MIER1: variants seen among roughly 807,000 people sequenced by gnomAD.
MIER1 encodes the protein mesoderm induction early response protein 1.
MIER1 carries 40 observed loss-of-function variants against 75.7 expected under a neutral mutation model. That is an observed-to-expected ratio of 0.53 (90% confidence interval 0.41 to 0.69). The LOEUF is 0.69. Ranked by LOEUF, MIER1 falls within the 30% of genes least tolerant of loss-of-function variation. The pLI, the probability that MIER1 is intolerant of heterozygous loss-of-function variation, is 0.00. For synonymous variants in MIER1, 213 were observed against 223.4 expected (o/e 0.95, Z 0.42); for missense variants, 574 against 680.2 (o/e 0.84, Z 1.74).
At chr1:66,970,692 C>T in intron 8 of MIER1, 116 bp from the exon 9 acceptor site, 1 of 674,288 alleles carries the variant, frequency 1.5e-6, no homozygotes, top group Non-Finnish European at 2.3e-6. Flanking sequence ...GTAGTAGAAC[C>T]ACACTGTACC....
At chr1:66,956,838 C>A (rs1276913421) in intron 4 of MIER1, among the ~76,000 whole-genome samples, 1 of 152,178 alleles carries the variant, frequency 6.6e-6, no homozygotes, top group Non-Finnish European at 1.5e-5. Flanking sequence ...CTAAGAAAAT[C>A]TTTTCAAATG....
At chr1:66,938,973 T>C (rs1655562927) in intron 2 of MIER1, among the ~76,000 whole-genome samples, 1 of 152,126 alleles carries the variant, frequency 6.6e-6, no homozygotes. Flanking sequence ...CTTAGACACA[T>C]TGTTTTTGAA....
At chr1:66,980,676 AAC>A (rs1293417342) in intron 12 of MIER1, among the ~76,000 whole-genome samples, 6 of 152,204 alleles carry the variant, frequency 3.9e-5, no homozygotes, top group Non-Finnish European at 8.8e-5. Context: ...TAAGATAAAT[AAC>A]ACAATTAGAA....
chr1:66,951,920 G>A (rs1659057506), intron 4 of MIER1, among the ~76,000 whole-genome samples: 1 of 152,192 alleles, frequency 6.6e-6, no homozygotes, highest in South Asian at 2.1e-4. Context: ...CAGTGAGTTA[G>A]ACTGCCTGGG....
At chr1:66,956,158 C>T (rs1027260067) in intron 4 of MIER1, among the ~76,000 whole-genome samples, 13 of 152,160 alleles carry the variant, frequency 8.5e-5, no homozygotes, top group African/African-American at 2.9e-4. Context: ...CACGGTGGCT[C>T]ATGTTTCCAA....
intron 2 of MIER1, among the ~76,000 whole-genome samples, chr1:66,931,288 T>C (rs560640194): frequency 3.9e-5 from 6 of 152,258 alleles, no homozygotes; most frequent in Non-Finnish European, 8.8e-5. Context: ...TTTAAATAAC[T>C]GGAAGTTTAA....
chr1:66,963,041 A>C, intron 7 of MIER1, 47 bp from the exon 8 acceptor site: 1 of 1,292,148 alleles, frequency 7.7e-7, no homozygotes. Flanking sequence ...ATGGATATAA[A>C]ATCTGTTACT....
chr1:66,927,935 G>GT (rs1335350377), intron 2 of MIER1, among the ~76,000 whole-genome samples: 102 of 152,062 alleles, frequency 6.7e-4, no homozygotes, highest in African/African-American at 2.4e-3. Context: ...GTAAGTAAGC[G>GT]TTTTGAGAAA....
intron 2 of MIER1, 72 bp from the exon 3 acceptor site, chr1:66,939,956 A>G (rs1655793579): frequency 8.1e-7 from 1 of 1,234,078 alleles, no homozygotes; most frequent in Non-Finnish European, 1.2e-6. Context: ...TAGTCATTGA[A>G]TAATTTCGGT....
chr1:66,927,959 G>T (rs892074779), intron 2 of MIER1, among the ~76,000 whole-genome samples: 2 of 151,976 alleles, frequency 1.3e-5, no homozygotes, highest in African/African-American at 4.8e-5. Context: ...TTTTCATTCC[G>T]TAAGGTGGCT....
At chr1:66,951,672 T>G (rs143261041) in intron 4 of MIER1, among the ~76,000 whole-genome samples, 2 of 152,284 alleles carry the variant, frequency 1.3e-5, no homozygotes, top group East Asian at 3.9e-4. Context: ...CTTAACTTCC[T>G]GCGTTCATGC....
intron 1 of MIER1, 62 bp downstream of exon 1, chr1:66,925,157 T>C (rs1393360156): frequency 1.3e-6 from 2 of 1,529,298 alleles, no homozygotes; most frequent in African/African-American, 2.8e-5. Context: ...GAGGGGCTCC[T>C]GAGGTGTCCT....
intron 2 of MIER1, among the ~76,000 whole-genome samples, chr1:66,932,033 AAACTT>A (rs1331957678): frequency 2.0e-4 from 31 of 152,174 alleles, no homozygotes; most frequent in African/African-American, 7.2e-4. Context: ...TTAAGTTAAA[AAACTT>A]AAATTTAAAA....
chr1:66,965,935 T>C (rs1662293771), intron 8 of MIER1, among the ~76,000 whole-genome samples: 1 of 152,202 alleles, frequency 6.6e-6, no homozygotes, highest in Admixed American at 6.5e-5. Context: ...GTGCCTGACT[T>C]TTTGCTTAAC....
chr1:66,984,715 A>G lies in MIER1; in HGVS notation c.1513A>G (p.Thr505Ala). 9.3e-6 allele frequency: 15 copies of G among 1,614,044 alleles called. No individual in the cohort carries two copies. Among genetic ancestry groups the G allele is most frequent in the East Asian group, 2.2e-5 (1 of 44,838 alleles). ...TAATGGTTATGAAACAGATAACCTT[A>G]CCACTGACCCAAAACTTGCCCATAT... ...DTNGYETDNL[T>A]TDPKLAHMTA... Residue 505 changes from threonine to alanine, a missense_variant, in exon 14 of 14, where the codon ACC becomes GCC. Thr to Ala is a moderately conservative substitution (Grantham distance 58, BLOSUM62 0). This residue lies in a region of MIER1 where 164 missense variants were observed against 154.3 expected (regional missense o/e 1.06). Coordinates refer to ENST00000401041, the MANE Select transcript of MIER1 (RefSeq NM_001077700.3).
chr1:66,969,813 TTC>T (rs1558094248), intron 8 of MIER1, among the ~76,000 whole-genome samples: 5 of 152,182 alleles, frequency 3.3e-5, no homozygotes, highest in Admixed American at 3.3e-4. Flanking sequence ...AACTAAACTT[TTC>T]AAGAGTCTTA....
chr1:66,955,977 C>A (rs1660049512), intron 4 of MIER1, among the ~76,000 whole-genome samples: 1 of 152,172 alleles, frequency 6.6e-6, no homozygotes, highest in African/African-American at 2.4e-5. Context: ...GCAAGCACTC[C>A]ATTTGGTACT....
intron 2 of MIER1, among the ~76,000 whole-genome samples, chr1:66,939,668 T>C (rs1463875391): frequency 6.6e-6 from 1 of 152,096 alleles, no homozygotes; most frequent in Non-Finnish European, 1.5e-5. Flanking sequence ...TTGTTCATAG[T>C]TCTGTGTTGA....
At chr1:66,980,609 A>C (rs1167727789) in intron 12 of MIER1, among the ~76,000 whole-genome samples, 3 of 152,216 alleles carry the variant, frequency 2.0e-5, no homozygotes, top group Non-Finnish European at 4.4e-5. Context: ...TACCCTGCTC[A>C]CAAAATTCTA....
Sources: allele counts gnomAD v4.1 joint callset (sites outside exome capture counted in the v4.1 genomes callset), GRCh38; gene constraint gnomAD v4.1.1; regional missense constraint gnomAD v4.1.1; transcripts MANE v1.5; gene names NCBI Gene and HGNC (gene_info 2026-07-23, HGNC 2026-07-21).